GOLIM4: variants seen among roughly 807,000 people sequenced by gnomAD.
GOLIM4 encodes 130 kDa golgi-localized phosphoprotein.
Under a neutral mutation model 107.4 loss-of-function variants are expected in GOLIM4, and 71 were observed. That is an observed-to-expected ratio of 0.66 (90% CI 0.55 to 0.81). The LOEUF is 0.81. GOLIM4 is among the 30% of genes least tolerant of loss of function. The pLI is 0.00. For synonymous variants in GOLIM4, 327 were observed against 294.8 expected (o/e 1.11, Z -1.12); for missense variants, 830 against 826.1 (o/e 1.00, Z -0.06).
intron 1 of GOLIM4, among the ~76,000 whole-genome samples, chr3:168,079,924 TA>T (rs1052527109): frequency 6.6e-6 from 1 of 151,456 alleles, no homozygotes; most frequent in Non-Finnish European, 1.5e-5. Flanking sequence ...TCACTTAAAG[TA>T]AAAAAAAATC....
At chr3:168,027,285 A>G (rs1560073990) in intron 12 of GOLIM4, among the ~76,000 whole-genome samples, 1 of 152,186 alleles carries the variant, frequency 6.6e-6, no homozygotes, top group African/African-American at 2.4e-5. Flanking sequence ...GAGATTACAG[A>G]GAGTCACACA....
At position 168,050,910 on chromosome 3, in the gene GOLIM4, C is replaced by G. The variant is rs1395051835; in HGVS notation, c.188-2545G>C. On this transcript the variant is annotated intron_variant, in intron 1 of 15. Coordinates refer to ENST00000470487, the MANE Select transcript of GOLIM4 (RefSeq NM_014498.5). ...AGTCAAGAAAAACATACAAGGCAGA[C>G]TGTTCATCACCCACCCCAGTCACCT... 3.3e-5 allele frequency among the ~76,000 whole-genome samples: 5 copies of G among 151,038 alleles called. No homozygotes were observed. The East Asian group carries it at 9.7e-4, about 29-fold the overall frequency.
chr3:168,067,962 A>G (rs1200542288), intron 1 of GOLIM4, among the ~76,000 whole-genome samples: 1 of 152,068 alleles, frequency 6.6e-6, no homozygotes, highest in Non-Finnish European at 1.5e-5. Flanking sequence ...ATGAATCTGA[A>G]CAGAAACAAA....
At chr3:168,055,039 A>G (rs1224054197) in intron 1 of GOLIM4, among the ~76,000 whole-genome samples, 1 of 152,228 alleles carries the variant, frequency 6.6e-6, no homozygotes, top group African/African-American at 2.4e-5. Context: ...CTGTAAGTCC[A>G]ATAAACTGCT....
chr3:168,072,052 G>T (rs1477027871), intron 1 of GOLIM4, among the ~76,000 whole-genome samples: 3 of 152,090 alleles, frequency 2.0e-5, no homozygotes, highest in Non-Finnish European at 2.9e-5. Context: ...TTCCCATAGG[G>T]CCAAATTCTG....
chr3:168,093,604 A>C (rs1722015018), intron 1 of GOLIM4, among the ~76,000 whole-genome samples: 1 of 152,236 alleles, frequency 6.6e-6, no homozygotes, highest in African/African-American at 2.4e-5. Flanking sequence ...CAGGGAAGCA[A>C]CTGATACCTT....
At chr3:168,093,257 T>C (rs1402009590) in intron 1 of GOLIM4, among the ~76,000 whole-genome samples, 1 of 152,226 alleles carries the variant, frequency 6.6e-6, no homozygotes, top group African/African-American at 2.4e-5. Flanking sequence ...TTTTCTTGTT[T>C]TATTTGGCTT....
intron 14 of GOLIM4, among the ~76,000 whole-genome samples, chr3:168,011,740 A>G (rs1284143555): frequency 8.6e-6 from 1 of 116,222 alleles, no homozygotes; most frequent in Non-Finnish European, 1.6e-5. Flanking sequence ...CTGACCCCTT[A>G]CCCCTGAGCA....
chr3:168,043,273 A>G (rs1719120758), intron 5 of GOLIM4, 106 bp downstream of exon 5: 3 of 739,242 alleles, frequency 4.1e-6, no homozygotes, highest in Non-Finnish European at 4.4e-6. Context: ...GGACCACATG[A>G]TAAATGTAAA....
At chr3:168,043,298 AAAC>A in intron 5 of GOLIM4, 78 bp downstream of exon 5, 1 of 984,294 alleles carries the variant, frequency 1.0e-6, no homozygotes, top group Non-Finnish European at 1.5e-6. Flanking sequence ...TCACCACTCA[AAAC>A]AACAGTCTAC....
At chr3:168,086,906 A>G (rs1396052603) in intron 1 of GOLIM4, among the ~76,000 whole-genome samples, 4 of 152,320 alleles carry the variant, frequency 2.6e-5, no homozygotes, top group African/African-American at 9.6e-5. Flanking sequence ...GAGACAGCAC[A>G]GAGCAGTGAA....
At chr3:168,063,552 T>C (rs1720377872) in intron 1 of GOLIM4, among the ~76,000 whole-genome samples, 1 of 152,138 alleles carries the variant, frequency 6.6e-6, no homozygotes, top group Non-Finnish European at 1.5e-5. Flanking sequence ...TCTTCCCCAC[T>C]GAGATATTGG....
chr3:168,050,034 C>T (rs1209985330), intron 1 of GOLIM4, among the ~76,000 whole-genome samples: 3 of 152,148 alleles, frequency 2.0e-5, no homozygotes, highest in Admixed American at 2.0e-4. Flanking sequence ...CCAATCTCAA[C>T]TTTTCCCTCA....
chr3:168,051,783 G>A (rs1383039129), intron 1 of GOLIM4, among the ~76,000 whole-genome samples: 2 of 152,194 alleles, frequency 1.3e-5, no homozygotes, highest in Admixed American at 6.5e-5. Context: ...GAAGGCTGGA[G>A]AATATCACCG....
At position 168,047,004 on chromosome 3, in the gene GOLIM4, A is replaced by G; in HGVS notation, c.263-5T>C. ...CTAACTTATAAACAAGAAAATCTAG[A>G]AAATACAAGATGGAAAAAAACAGTG... On this transcript the variant is annotated splice_polypyrimidine_tract_variant and splice_region_variant and intron_variant, in intron 2 of 15. Transcript: ENST00000470487. The G allele has an allele frequency of 8.2e-7, 1 of 1,224,282 alleles. No individual in the cohort carries two copies. The highest frequency in any genetic ancestry group is 1.2e-6 in the Non-Finnish European group (1 of 867,288). 75.8% of individuals were successfully genotyped at this position (1,224,282 alleles called of 1,614,324 possible).
intron 1 of GOLIM4, among the ~76,000 whole-genome samples, chr3:168,076,176 A>G (rs1427770425): frequency 6.6e-6 from 1 of 152,232 alleles, no homozygotes; most frequent in Non-Finnish European, 1.5e-5. Flanking sequence ...AGTAGGTGCT[A>G]AATCATTAAA....
intron 1 of GOLIM4, among the ~76,000 whole-genome samples, chr3:168,049,872 C>T (rs1190137791): frequency 6.6e-6 from 1 of 152,136 alleles, no homozygotes; most frequent in African/African-American, 2.4e-5. Context: ...TTCTTGTCAT[C>T]CCATATAAAA....
intron 1 of GOLIM4, among the ~76,000 whole-genome samples, chr3:168,082,595 C>A (rs182411693): frequency 1.3e-5 from 2 of 152,262 alleles, no homozygotes; most frequent in Middle Eastern, 3.4e-3. Context: ...GTATGTAAGT[C>A]TCTCTAAGAA....
rs1307007266 is a variant in GOLIM4, at chr3:168,048,292, T to C, written c.261A>G (p.Glu87=). 9 of 1,423,758 alleles carry C rather than the reference T, an allele frequency of 6.3e-6. No individual in the cohort carries two copies. Among genetic ancestry groups the C allele is most frequent in the African/African-American group, 4.2e-5 (3 of 71,446 alleles). The allele number at this position is 1,423,758 out of a possible 1,614,324, so 88.2% of individuals were successfully genotyped here. Residue 87 remains glutamate (E), a splice_region_variant and synonymous_variant, in exon 2 of 16, where the codon GAA becomes GAG. Coordinates refer to ENST00000470487, the MANE Select transcript of GOLIM4 (RefSeq NM_014498.5). ...KERLEHKKAK[E]DFLVYKLEAQ... Reference sequence around the variant, plus strand: ...AACACAAATTATGTATTTACTTACCTTCCTTTGCTTTTTTATGTTCAAGTC... The same window carrying C: ...AACACAAATTATGTATTTACTTACCCTCCTTTGCTTTTTTATGTTCAAGTC...
Sources: allele counts gnomAD v4.1 joint callset (sites outside exome capture counted in the v4.1 genomes callset), GRCh38; gene constraint gnomAD v4.1.1; transcripts MANE v1.5; gene names NCBI Gene and HGNC (gene_info 2026-07-23, HGNC 2026-07-21).